The following GALNTL6 variants were observed in gnomAD, a reference collection of about 807,000 sequenced individuals.
GALNTL6 encodes polypeptide N-acetylgalactosaminyltransferase like 6, also known as polypeptide N-acetylgalactosaminyltransferase-like 6.
GALNTL6 carries 46 observed loss-of-function variants against 73.7 expected under a neutral mutation model. The ratio of observed to expected loss-of-function variants is 0.62; its 90% CI spans 0.49 to 0.80. GALNTL6 has a LOEUF of 0.80. Among genes scored for constraint, GALNTL6 ranks in the 30% least tolerant of loss-of-function variants. The pLI is 0.00. For synonymous variants in GALNTL6, 259 were observed against 263.7 expected, an observed-to-expected ratio of 0.98 and a Z score of 0.17; for missense variants, 604 against 755.0, an observed-to-expected ratio of 0.80 and a Z score of 2.34.
chr4:171,974,917 C>A (rs332966), intron 2 of GALNTL6, among the ~76,000 whole-genome samples: 79,718 of 151,952 alleles, frequency 0.52, 22,217 homozygotes, highest in African/African-American at 0.7. Context: ...TGACACTTTA[C>A]AAATTACACT....
chr4:172,802,654 T>C (rs1740713861), intron 5 of GALNTL6, among the ~76,000 whole-genome samples: 1 of 151,938 alleles, frequency 6.6e-6, no homozygotes, highest in African/African-American at 2.4e-5. Flanking sequence ...TAAAATAAAA[T>C]TAGCCAGGCA....
At chr4:172,151,083 AG>A (rs2110761083) in intron 2 of GALNTL6, among the ~76,000 whole-genome samples, 1 of 152,316 alleles carries the variant, frequency 6.6e-6, no homozygotes, top group Admixed American at 6.5e-5. Flanking sequence ...CTTTCACATG[AG>A]CATGAATTTT....
At chr4:172,918,768 A>G (rs564927972) in intron 8 of GALNTL6, among the ~76,000 whole-genome samples, 1 of 152,190 alleles carries the variant, frequency 6.6e-6, no homozygotes, top group Non-Finnish European at 1.5e-5. Context: ...ACCACCTATG[A>G]AGTAGATACA....
chr4:172,087,459 C>CA (rs534725448), intron 2 of GALNTL6, among the ~76,000 whole-genome samples: 2,882 of 134,172 alleles, frequency 0.021, 79 homozygotes, highest in African/African-American at 0.055. Context: ...AAAAAAAAAA[C>CA]AAAAAAAACA....
chr4:172,988,587 C>T (rs1018370360), intron 10 of GALNTL6, among the ~76,000 whole-genome samples: 4 of 152,182 alleles, frequency 2.6e-5, no homozygotes, highest in Non-Finnish European at 5.9e-5. Context: ...ATAGCCAAAA[C>T]AATGGAGAAA....
chr4:171,982,142 T>C (rs1052463694), intron 2 of GALNTL6, among the ~76,000 whole-genome samples: 1 of 152,176 alleles, frequency 6.6e-6, no homozygotes, highest in Non-Finnish European at 1.5e-5. Flanking sequence ...GTTAATATCC[T>C]GACATTAAGA....
intron 10 of GALNTL6, among the ~76,000 whole-genome samples, chr4:172,973,280 T>G (rs1030391361): frequency 2.0e-5 from 3 of 152,228 alleles, no homozygotes; most frequent in Admixed American, 6.5e-5. Flanking sequence ...TATGATATGA[T>G]GCAACGTGAA....
rs1735402146 is a variant in GALNTL6 at position 172,537,814 on chromosome 4, A to G, written c.553+189125A>G. Among the ~76,000 whole-genome samples the G allele has an allele frequency of 2.6e-5, 4 of 152,224 alleles. No homozygotes were observed. The South Asian group carries it at 8.3e-4, about 31-fold the overall frequency. ...AATCAAAGTATATAAATCTAGTGAA[A>G]CCAAGATAACAGAAGATTTTGACAA... On this transcript the variant is annotated intron_variant, in intron 5 of 12. Transcript: ENST00000506823.
chr4:172,050,115 G>A (rs1409707585), intron 2 of GALNTL6, among the ~76,000 whole-genome samples: 1 of 152,070 alleles, frequency 6.6e-6, no homozygotes, highest in African/African-American at 2.4e-5. Flanking sequence ...CTTTAGTAGT[G>A]GTAACTTTGG....
intron 9 of GALNTL6, among the ~76,000 whole-genome samples, chr4:172,939,973 G>A (rs938021067): frequency 2.6e-5 from 4 of 152,060 alleles, no homozygotes; most frequent in African/African-American, 7.2e-5. Flanking sequence ...AACAAATAAC[G>A]ATAGAATCCC....
intron 5 of GALNTL6, among the ~76,000 whole-genome samples, chr4:172,801,290 T>C (rs894559542): frequency 2.0e-5 from 3 of 152,220 alleles, no homozygotes; most frequent in Non-Finnish European, 4.4e-5. Flanking sequence ...CAAAATATTT[T>C]GTGTAAAATA....
intron 5 of GALNTL6, among the ~76,000 whole-genome samples, chr4:172,458,079 C>T (rs572291415): frequency 3.3e-5 from 5 of 152,180 alleles, no homozygotes; most frequent in African/African-American, 1.2e-4. Context: ...CTCAAAACCA[C>T]ACAACCACAT....
chr4:172,174,335 C>G (rs1734925431), intron 2 of GALNTL6, among the ~76,000 whole-genome samples: 1 of 152,146 alleles, frequency 6.6e-6, no homozygotes, highest in African/African-American at 2.4e-5. Context: ...GTGTCATTTA[C>G]TGAAATGGGC....
chr4:171,914,807 T>A (rs1737572249), intron 2 of GALNTL6, among the ~76,000 whole-genome samples: 1 of 151,130 alleles, frequency 6.6e-6, no homozygotes. Flanking sequence ...TGAATAGTGA[T>A]TTTAGAGACT....
At chr4:171,986,782 G>T (rs1218756050) in intron 2 of GALNTL6, among the ~76,000 whole-genome samples, 1 of 152,102 alleles carries the variant, frequency 6.6e-6, no homozygotes, top group Non-Finnish European at 1.5e-5. Context: ...GGTATAAAAG[G>T]TCTAAGAATT....
At chr4:172,773,435 A>G (rs1738891684) in intron 5 of GALNTL6, among the ~76,000 whole-genome samples, 1 of 152,218 alleles carries the variant, frequency 6.6e-6, no homozygotes, top group South Asian at 2.1e-4. Flanking sequence ...TTTGCCAAAA[A>G]TTATGCAGAA....
chr4:172,197,213 C>T (rs571640298), intron 2 of GALNTL6, among the ~76,000 whole-genome samples: 32 of 151,802 alleles, frequency 2.1e-4, no homozygotes, highest in Middle Eastern at 3.4e-3. Flanking sequence ...AATAAAATAC[C>T]TAAGAATGCA....
At chr4:171,987,594 G>A (rs930282712) in intron 2 of GALNTL6, among the ~76,000 whole-genome samples, 1 of 152,144 alleles carries the variant, frequency 6.6e-6, no homozygotes, top group African/African-American at 2.4e-5. Flanking sequence ...GTAGGGAAGG[G>A]AAGGGGCCTG....
intron 5 of GALNTL6, among the ~76,000 whole-genome samples, chr4:172,799,203 A>AT (rs773605121): frequency 2.4e-4 from 37 of 152,218 alleles, no homozygotes; most frequent in Non-Finnish European, 4.7e-4. Context: ...GAGATGAGGC[A>AT]TGCAGGGAAG....
Sources: allele counts gnomAD v4.1 joint callset (sites outside exome capture counted in the v4.1 genomes callset), GRCh38; gene constraint gnomAD v4.1.1; transcripts MANE v1.5; gene names NCBI Gene and HGNC (gene_info 2026-07-23, HGNC 2026-07-21).